FMNL2: variants seen among roughly 807,000 people sequenced by gnomAD.
FMNL2 encodes the protein formin like 2.
In FMNL2, 51 loss-of-function variants were observed where a neutral mutation model predicts 130.2. The observed-to-expected ratio is 0.39, with a 90% CI of 0.31 to 0.49. The LOEUF is 0.49. Ranked by LOEUF, FMNL2 falls within the 20% of genes least tolerant of loss-of-function variation. The probability of loss-of-function intolerance (pLI) is 0.85; values close to 1 mark genes in which losing one functional copy is unlikely to be tolerated. For synonymous variants in FMNL2, 465 were observed against 467.1 expected (o/e 1.00, Z 0.06); for missense variants, 977 against 1,316.2 (o/e 0.74, Z 3.99).
chr2:152,433,899 T>C (rs1687616714), intron 1 of FMNL2, among the ~76,000 whole-genome samples: 1 of 152,168 alleles, frequency 6.6e-6, no homozygotes, highest in Admixed American at 6.6e-5. Context: ...AAAATCTTTG[T>C]CCTGCCCTGT....
At chr2:152,376,627 T>C (rs1308858621) in intron 1 of FMNL2, among the ~76,000 whole-genome samples, 3 of 151,904 alleles carry the variant, frequency 2.0e-5, no homozygotes, top group Non-Finnish European at 2.9e-5. Flanking sequence ...GAAAGGGTGA[T>C]GTTACTACTG....
chr2:152,590,012 T>C (rs56192313), intron 9 of FMNL2, among the ~76,000 whole-genome samples: 18 of 139,012 alleles, frequency 1.3e-4, no homozygotes, highest in African/African-American at 4.9e-4. Context: ...TATATATACA[T>C]ATACATATAT....
chr2:152,335,768 G>A, intron 1 of FMNL2, 48 bp downstream of exon 1: 4 of 1,366,352 alleles, frequency 2.9e-6, no homozygotes, highest in Non-Finnish European at 3.9e-6. Context: ...GCCCCGGGCC[G>A]GGCGGCGCAG....
chr2:152,607,507 A>ATG, intron 10 of FMNL2, 94 bp downstream of exon 10: 1 of 799,378 alleles, frequency 1.3e-6, no homozygotes, highest in East Asian at 2.9e-5. Context: ...ACACACACAC[A>ATG]TATTTATATT....
rs900776140 is a variant in FMNL2 at position 152,563,288 on chromosome 2, A to G, written c.596+2253A>G. On this transcript the variant is annotated intron_variant, in intron 6 of 25. Coordinates refer to ENST00000288670, the MANE Select transcript of FMNL2 (RefSeq NM_052905.4). ...TGACCAGCTAAGAAACCAATACCAC[A>G]TTCTTCTGTTTTGTGTTTTAATATT... is the stretch of plus-strand genomic sequence containing the variant. 1.4e-4 allele frequency among the ~76,000 whole-genome samples: 21 copies of G among 152,170 alleles called. 1 individual carries two copies. The highest frequency in any genetic ancestry group is 3.9e-4 in the African/African-American group (16 of 41,452).
At chr2:152,502,523 C>T (rs1691904272) in intron 1 of FMNL2, among the ~76,000 whole-genome samples, 1 of 152,156 alleles carries the variant, frequency 6.6e-6, no homozygotes, top group Non-Finnish European at 1.5e-5. Flanking sequence ...CATGTCTCTA[C>T]TAAAAATACA....
At chr2:152,373,643 TC>T (rs757843410) in intron 1 of FMNL2, among the ~76,000 whole-genome samples, 1 of 152,224 alleles carries the variant, frequency 6.6e-6, no homozygotes, top group Non-Finnish European at 1.5e-5. Flanking sequence ...ACACATCACT[TC>T]ATTCTTGTGG....
intron 1 of FMNL2, among the ~76,000 whole-genome samples, chr2:152,446,577 C>T (rs1317711844): frequency 6.6e-6 from 1 of 151,848 alleles, no homozygotes; most frequent in Non-Finnish European, 1.5e-5. Context: ...TTGTGAAGTA[C>T]CAGGTAAATA....
intron 9 of FMNL2, among the ~76,000 whole-genome samples, chr2:152,585,921 A>C (rs1437297966): frequency 8.1e-5 from 2 of 24,584 alleles, no homozygotes; most frequent in Admixed American, 3.1e-4. Context: ...AAGGTTTGGC[A>C]AAAAAAAAAA....
At chr2:152,597,688 A>G (rs1343693505) in intron 9 of FMNL2, among the ~76,000 whole-genome samples, 1 of 152,204 alleles carries the variant, frequency 6.6e-6, no homozygotes, top group Non-Finnish European at 1.5e-5. Flanking sequence ...GTATTAAGTA[A>G]CATCTTAGTA....
chr2:152,519,292 C>T (rs544519656), intron 1 of FMNL2, among the ~76,000 whole-genome samples: 1 of 152,306 alleles, frequency 6.6e-6, no homozygotes, highest in Admixed American at 6.5e-5. Context: ...CCCACCATAA[C>T]ACAGTGCTCT....
At chr2:152,609,433 C>T (rs1698565460) in intron 10 of FMNL2, among the ~76,000 whole-genome samples, 1 of 152,168 alleles carries the variant, frequency 6.6e-6, no homozygotes, top group African/African-American at 2.4e-5. Context: ...ACCTCTGAAA[C>T]AACATATTCC....
intron 9 of FMNL2, among the ~76,000 whole-genome samples, chr2:152,589,979 A>G (rs376064721): frequency 0.41 from 18,151 of 44,148 alleles, 2,408 homozygotes; most frequent in African/African-American, 0.44. Flanking sequence ...ATATATATAT[A>G]TATATGTATA....
At chr2:152,379,857 ATTTCTGTAGTCTGC>A (rs1684367344) in intron 1 of FMNL2, among the ~76,000 whole-genome samples, 1 of 152,218 alleles carries the variant, frequency 6.6e-6, no homozygotes, top group South Asian at 2.1e-4. Context: ...TATGAGACTG[ATTTCTGTAGTCTGC>A]TTTCTGTAGT....
At chr2:152,591,575 G>T (rs1207105510) in intron 9 of FMNL2, among the ~76,000 whole-genome samples, 1 of 152,238 alleles carries the variant, frequency 6.6e-6, no homozygotes, top group Non-Finnish European at 1.5e-5. Context: ...GGACACCAAG[G>T]TGGAAGGACT....
At chr2:152,551,571 A>G (rs930430566) in intron 4 of FMNL2, among the ~76,000 whole-genome samples, 1 of 152,254 alleles carries the variant, frequency 6.6e-6, no homozygotes, top group East Asian at 1.9e-4. Context: ...TATGTAAACT[A>G]ACTGGCTTGC....
chr2:152,344,485 G>A (rs1328922974), intron 1 of FMNL2, among the ~76,000 whole-genome samples: 2 of 152,086 alleles, frequency 1.3e-5, no homozygotes, highest in Admixed American at 6.6e-5. Flanking sequence ...AAAAATGAAA[G>A]ATATTTGATT....
At chr2:152,593,904 A>T (rs62179593) in intron 9 of FMNL2, among the ~76,000 whole-genome samples, 5,320 of 65,814 alleles carry the variant, frequency 0.081, 46 homozygotes, top group Non-Finnish European at 0.13. Context: ...TGTGTGTGTG[A>T]GAGAGAGAGA....
intron 1 of FMNL2, among the ~76,000 whole-genome samples, chr2:152,336,092 A>AAAAACAAAAC (rs4035883): frequency 0.21 from 28,228 of 132,070 alleles, 3,826 homozygotes; most frequent in East Asian, 0.69. Context: ...TTTTTTTAAA[A>AAAAACAAAAC]AAAACAAAAC....
Sources: allele counts gnomAD v4.1 joint callset (sites outside exome capture counted in the v4.1 genomes callset), GRCh38; gene constraint gnomAD v4.1.1; transcripts MANE v1.5; gene names NCBI Gene and HGNC (gene_info 2026-07-23, HGNC 2026-07-21).